BACH2: variants seen among roughly 807,000 people sequenced by gnomAD.
BACH2 encodes the protein transcription regulator protein BACH2.
In BACH2, 5 loss-of-function variants were observed where a neutral mutation model predicts 61.8. That is an observed-to-expected ratio of 0.08 (90% CI 0.04 to 0.17). BACH2 has a LOEUF of 0.17. Ranked by LOEUF, BACH2 falls within the 10% of genes least tolerant of loss-of-function variation. The pLI is 1.00. For synonymous variants in BACH2, 446 were observed against 440.1 expected (o/e 1.01, Z -0.17); for missense variants, 824 against 1,091.1 (o/e 0.76, Z 3.45).
intron 1 of BACH2, among the ~76,000 whole-genome samples, chr6:90,296,078 G>T (rs570937899): frequency 6.6e-6 from 1 of 152,156 alleles, no homozygotes; most frequent in African/African-American, 2.4e-5. Context: ...AGGGCCGCGG[G>T]TCTGACAGCT....
At chr6:89,991,797 C>T (rs1217356410) in intron 6 of BACH2, among the ~76,000 whole-genome samples, 1 of 151,852 alleles carries the variant, frequency 6.6e-6, no homozygotes, top group Non-Finnish European at 1.5e-5. Context: ...TAGGGCAATC[C>T]CCCCATCATT....
chr6:90,096,756 T>G (rs6454801), intron 4 of BACH2, among the ~76,000 whole-genome samples: 57,936 of 152,062 alleles, frequency 0.38, 12,616 homozygotes, highest in East Asian at 0.87. Context: ...CACCTGCACT[T>G]GGCCCTTGGC....
At position 89,966,432 on chromosome 6, in the gene BACH2, C is replaced by T. The variant is rs181150297; in HGVS notation, c.244-14570G>A. Among the ~76,000 whole-genome samples, 5 of 152,304 alleles carry T rather than the reference C, an allele frequency of 3.3e-5. No homozygotes were observed. The East Asian group carries it at 7.7e-4, about 23-fold the overall frequency. On this transcript the variant is annotated intron_variant, in intron 6 of 8. Transcript: ENST00000257749. ...AGGATTTAAACAGCAGCCATTAACA[C>T]AAAACCCCATATGTGAATTGGACAA...
At chr6:90,204,870 GT>G (rs1769087900) in intron 4 of BACH2, among the ~76,000 whole-genome samples, 2 of 152,228 alleles carry the variant, frequency 1.3e-5, no homozygotes, top group Non-Finnish European at 2.9e-5. Context: ...AACGCCAAGT[GT>G]TTAAGCTGGG....
chr6:90,034,369 T>G (rs1458313524), intron 5 of BACH2, among the ~76,000 whole-genome samples: 2 of 152,178 alleles, frequency 1.3e-5, no homozygotes, highest in Non-Finnish European at 2.9e-5. Context: ...TTGTACAGAC[T>G]GGACTAGACT....
At chr6:90,229,799 T>G (rs1770035593) in intron 3 of BACH2, among the ~76,000 whole-genome samples, 1 of 152,180 alleles carries the variant, frequency 6.6e-6, no homozygotes, top group Non-Finnish European at 1.5e-5. Flanking sequence ...AGAGAGAAAC[T>G]AGGCATGGTG....
intron 2 of BACH2, among the ~76,000 whole-genome samples, chr6:90,258,494 G>A (rs139195939): frequency 3.3e-5 from 5 of 152,084 alleles, no homozygotes; most frequent in Admixed American, 6.6e-5. Context: ...AAATCAGGAA[G>A]TATAATACCT....
chr6:90,161,539 A>G (rs921199049), intron 4 of BACH2, among the ~76,000 whole-genome samples: 2 of 152,206 alleles, frequency 1.3e-5, no homozygotes, highest in Admixed American at 1.3e-4. Context: ...AATAAAGTAC[A>G]CATGTGCTTA....
chr6:89,998,114 C>G (rs949617920), intron 6 of BACH2, among the ~76,000 whole-genome samples: 11 of 152,292 alleles, frequency 7.2e-5, no homozygotes, highest in Middle Eastern at 6.8e-3. Context: ...CCTTCTGTAT[C>G]CTTCCTTTGG....
rs1215443356 is a variant in BACH2, at chr6:89,929,986, T to G, written c.*2422A>C. The G allele has an allele frequency of 6.6e-6, 1 of 152,276 alleles. No individual in the cohort carries two copies. Among genetic ancestry groups the G allele is most frequent in the Non-Finnish European group, 1.5e-5 (1 of 68,030 alleles). The allele number at this position is 152,276 out of a possible 1,614,324, so 9.4% of individuals were successfully genotyped here. A position where few individuals can be genotyped will look rare whatever the true frequency, so the allele number is the denominator to read the frequency against. ...ATTCACATTGAGTTTATATTCTCACTGTCACCAGTTTTCCACAAAGGCAAA... is the reference window on the plus strand; with the variant it reads ...ATTCACATTGAGTTTATATTCTCACGGTCACCAGTTTTCCACAAAGGCAAA... On this transcript the variant is annotated 3_prime_UTR_variant, in exon 9 of 9. Transcript: ENST00000257749.
At chr6:90,157,155 G>C (rs1785023669) in intron 4 of BACH2, among the ~76,000 whole-genome samples, 1 of 152,250 alleles carries the variant, frequency 6.6e-6, no homozygotes, top group African/African-American at 2.4e-5. Flanking sequence ...GAGCCAAAGG[G>C]CAAGAGGTGA....
intron 5 of BACH2, among the ~76,000 whole-genome samples, chr6:90,015,565 T>C (rs1023663330): frequency 6.6e-6 from 1 of 152,208 alleles, no homozygotes; most frequent in African/African-American, 2.4e-5. Context: ...TTCCAAATAT[T>C]TGGGGGAGTT....
intron 2 of BACH2, among the ~76,000 whole-genome samples, chr6:90,264,574 TC>T (rs1485156102): frequency 2.0e-5 from 3 of 152,186 alleles, no homozygotes; most frequent in Admixed American, 1.3e-4. Flanking sequence ...GCATCACATA[TC>T]CAAAACTTGA....
chr6:90,094,358 C>A (rs895171794), intron 4 of BACH2, among the ~76,000 whole-genome samples: 31 of 152,110 alleles, frequency 2.0e-4, no homozygotes, highest in African/African-American at 6.5e-4. Context: ...TTTGCCTGTC[C>A]CCAGGAAACT....
At chr6:89,970,083 A>C (rs1775276448) in intron 6 of BACH2, among the ~76,000 whole-genome samples, 1 of 152,244 alleles carries the variant, frequency 6.6e-6, no homozygotes, top group Admixed American at 6.5e-5. Flanking sequence ...AAAAAGAAGA[A>C]TGTTAGATAA....
chr6:90,130,921 C>T (rs1784056153), intron 4 of BACH2, among the ~76,000 whole-genome samples: 1 of 152,226 alleles, frequency 6.6e-6, no homozygotes, highest in African/African-American at 2.4e-5. Flanking sequence ...ACCTGCTTTA[C>T]AGAGTTGTTT....
intron 4 of BACH2, among the ~76,000 whole-genome samples, chr6:90,162,970 C>A (rs1767452038): frequency 6.6e-6 from 1 of 152,144 alleles, no homozygotes; most frequent in Admixed American, 6.5e-5. Flanking sequence ...CTTTGCTACT[C>A]AAATAAAAAT....
chr6:90,245,784 A>G (rs1229432319), intron 3 of BACH2, among the ~76,000 whole-genome samples: 1 of 152,152 alleles, frequency 6.6e-6, no homozygotes, highest in Non-Finnish European at 1.5e-5. Context: ...TTGAAACAAG[A>G]GAAGTCTGAA....
intron 1 of BACH2, 91 bp downstream of exon 1, chr6:90,296,389 C>T (rs1225889724): frequency 1.3e-5 from 2 of 150,620 alleles, no homozygotes; most frequent in Non-Finnish European, 3.0e-5. Context: ...CCCCACGCCT[C>T]CCCGCCCGCC....
Sources: gnomAD v4.1 joint callset for allele counts (sites outside exome capture counted in the v4.1 genomes callset) on GRCh38, gnomAD v4.1.1 for gene constraint, MANE v1.5 for transcripts, NCBI Gene and HGNC (gene_info 2026-07-23, HGNC 2026-07-21) for gene names.